ARHGAP29: variants seen among roughly 807,000 people sequenced by gnomAD.
The protein encoded by ARHGAP29 is Rho GTPase activating protein 29, also known as rho GTPase-activating protein 29.
Under a neutral mutation model 122.6 loss-of-function variants are expected in ARHGAP29, and 43 were observed. That is an observed-to-expected ratio of 0.35 (90% CI 0.27 to 0.45). The LOEUF is 0.45. Ranked by LOEUF, ARHGAP29 falls within the 20% of genes least tolerant of loss-of-function variation. The pLI, the probability that ARHGAP29 is intolerant of heterozygous loss-of-function variation, is 1.00. For missense variants in ARHGAP29, 1,303 were observed against 1,477.2 expected, an observed-to-expected ratio of 0.88 and a Z score of 1.93; for synonymous variants, 506 against 497.1, an observed-to-expected ratio of 1.02 and a Z score of -0.24.
At position 94,221,756 on chromosome 1, in the gene ARHGAP29, C is replaced by CAT. The variant is rs572316796; in HGVS notation, c.206-1366_206-1365dup. Among the ~76,000 whole-genome samples the CAT allele has an allele frequency of 2.8e-4, 42 of 150,802 alleles. No homozygotes were observed. In the South Asian group the frequency reaches 3.5e-3, roughly 13 times the overall value. On this transcript the variant is annotated intron_variant, in intron 2 of 22. Transcript: ENST00000260526. ...ACCCATATGTAAAAATATACATACA[C>CAT]ATATATATATTTCTTTGCTTTGTTA...
chr1:94,251,978 C>T (rs1654115149), intron 1 of ARHGAP29, among the ~76,000 whole-genome samples: 1 of 152,198 alleles, frequency 6.6e-6, no homozygotes, highest in Non-Finnish European at 1.5e-5. Context: ...CTTTGTTCAC[C>T]ACTGTGTTTC....
Position 94,205,670 on chromosome 1 carries a change from A to T in ARHGAP29, c.524T>A (p.Val175Asp). ...VSRETKSFENVSVESVDSSSE... is the reference protein window; with the variant it reads ...VSRETKSFENDSVESVDSSSE... The stretch of plus-strand genomic sequence containing the variant: ...GGATGAGTCCACTGATTCCACAGAA[A>T]CATTTTCAAACGACTTACAACATGG... The change falls in exon 6 of 23, where the codon GTT becomes GAT. Residue 175 changes from valine to aspartate, a missense_variant. This residue lies in a region of ARHGAP29 where 592 missense variants were observed against 648.2 expected (regional missense o/e 0.91). Transcript: ENST00000260526. 13 of 1,612,642 alleles carry T rather than the reference A, an allele frequency of 8.1e-6. No homozygotes were observed. Among genetic ancestry groups the T allele is most frequent in the Non-Finnish European group, 1.1e-5 (13 of 1,179,262 alleles).
chr1:94,256,469 A>G (rs565514342), intron 1 of ARHGAP29, among the ~76,000 whole-genome samples: 2 of 147,508 alleles, frequency 1.4e-5, no homozygotes, highest in African/African-American at 5.0e-5. Context: ...TTTAGAAGAT[A>G]CTTTCTCTTA....
intron 1 of ARHGAP29, chr1:94,249,377 TG>T (rs1177569032): frequency 6.6e-6 from 1 of 152,268 alleles, no homozygotes; most frequent in African/African-American, 2.4e-5. Flanking sequence ...ATATCCACTC[TG>T]CTTATTGAAA....
intron 1 of ARHGAP29, among the ~76,000 whole-genome samples, chr1:94,273,137 G>C (rs986812274): frequency 3.3e-5 from 5 of 152,176 alleles, no homozygotes; most frequent in African/African-American, 1.2e-4. Flanking sequence ...AGTGGGGGTT[G>C]CCTACTGCGT....
chr1:94,203,292 G>A, intron 8 of ARHGAP29, 82 bp from the exon 9 acceptor site: 8 of 944,650 alleles, frequency 8.5e-6, no homozygotes, highest in South Asian at 4.3e-5. Flanking sequence ...TCTTCAAAAA[G>A]GGAAACTAAG....
intron 1 of ARHGAP29, among the ~76,000 whole-genome samples, chr1:94,248,629 G>A (rs1301155984): frequency 6.6e-6 from 1 of 152,212 alleles, no homozygotes; most frequent in Non-Finnish European, 1.5e-5. Context: ...TTAAATATCT[G>A]TCATATTCTT....
intron 3 of ARHGAP29, 128 bp downstream of exon 3, chr1:94,220,130 T>C: frequency 9.3e-7 from 1 of 1,071,318 alleles, no homozygotes. Flanking sequence ...AAAGTATATA[T>C]AACTCCTTAT....
In ARHGAP29 at chr1:94,230,958, T is replaced by TA. The variant is rs201153043; in HGVS notation, c.205+448dup. ...AAACAGAATTAAGTCTGATTTTTGTTAAAAAAAAAAAATGCAGTCATTTTA... is the reference window on the plus strand; with the variant it reads ...AAACAGAATTAAGTCTGATTTTTGTTAAAAAAAAAAAAATGCAGTCATTTTA... On this transcript the variant is annotated intron_variant, in intron 2 of 22. Transcript: ENST00000260526. 9.6e-3 allele frequency among the ~76,000 whole-genome samples: 1,400 copies of TA among 145,174 alleles called. 10 individuals carry two copies. Among genetic ancestry groups the TA allele is most frequent in the Middle Eastern group, 0.038 (11 of 292 alleles).
chr1:94,284,086 GAAA>G, the ARHGAP29 span, among the ~76,000 whole-genome samples: 97 of 144,138 alleles, frequency 6.7e-4, no homozygotes, highest in Non-Finnish European at 6.4e-4. Flanking sequence ...GCAGAAATGG[GAAA>G]AAAAAAAAAA....
At chr1:94,205,818 T>G in intron 5 of ARHGAP29, 135 bp from the exon 6 acceptor site, 1 of 704,904 alleles carries the variant, frequency 1.4e-6, no homozygotes, top group Non-Finnish European at 2.4e-6. Flanking sequence ...TTAAAGGCCT[T>G]AGAAGTCTGT....
At chr1:94,184,803 G>C (rs752771883) in intron 18 of ARHGAP29, 69 bp downstream of exon 18, 11 of 1,270,858 alleles carry the variant, frequency 8.7e-6, no homozygotes, top group African/African-American at 1.5e-5. Context: ...TTCCTTTAAA[G>C]TCTCCTTTTC....
chr1:94,302,453 T>C, the ARHGAP29 span: 1 of 354,596 alleles, frequency 2.8e-6, no homozygotes, highest in Non-Finnish European at 5.5e-6. Flanking sequence ...AACCTCAAGA[T>C]CATCAGCAAT....
At chr1:94,209,961 G>A (rs1013257031) in intron 3 of ARHGAP29, among the ~76,000 whole-genome samples, 5 of 151,982 alleles carry the variant, frequency 3.3e-5, no homozygotes, top group Non-Finnish European at 4.4e-5. Flanking sequence ...TGAGGTCCAT[G>A]TTAATTGACA....
At chr1:94,240,798 T>A (rs933284746), upstream of ARHGAP29, among the ~76,000 whole-genome samples, 2 of 152,208 alleles carry the variant, frequency 1.3e-5, no homozygotes, top group African/African-American at 4.8e-5. Flanking sequence ...ATCTTCCTCA[T>A]GTGTTCTCTT....
At chr1:94,274,902 C>A (rs545198546) in intron 1 of ARHGAP29, 1 of 152,344 alleles carries the variant, frequency 6.6e-6, no homozygotes, top group African/African-American at 2.4e-5. Context: ...GAGATCTGTT[C>A]AAATAAATCA....
At chr1:94,288,425 A>C in the ARHGAP29 span, among the ~76,000 whole-genome samples, 1 of 152,058 alleles carries the variant, frequency 6.6e-6, no homozygotes, top group South Asian at 2.1e-4. Context: ...AGATTGCAAA[A>C]ATTTTCTCCC....
chr1:94,274,005 C>T (rs1310779277), intron 1 of ARHGAP29, among the ~76,000 whole-genome samples: 1 of 152,050 alleles, frequency 6.6e-6, no homozygotes, highest in Non-Finnish European at 1.5e-5. Context: ...TAGAGATTAT[C>T]CCATTTATTC....
intron 2 of ARHGAP29, 144 bp downstream of exon 2, chr1:94,231,263 C>A: frequency 1.5e-6 from 1 of 647,870 alleles, no homozygotes; most frequent in South Asian, 2.0e-5. Flanking sequence ...TACACTGTAA[C>A]CATCAAAGAT....
Sources: gnomAD v4.1 joint callset for allele counts (sites outside exome capture counted in the v4.1 genomes callset) on GRCh38, gnomAD v4.1.1 for gene constraint, gnomAD v4.1.1 regional missense constraint, MANE v1.5 for transcripts, NCBI Gene and HGNC (gene_info 2026-07-23, HGNC 2026-07-21) for gene names.